Variants in PDE8B observed in about 807,000 individuals in gnomAD.
The protein encoded by PDE8B is phosphodiesterase 8B, also known as high affinity cAMP-specific and IBMX-insensitive 3',5'-cyclic phosphodiesterase 8B.
In PDE8B, 26 loss-of-function variants were observed where a neutral mutation model predicts 101.3. The observed-to-expected ratio is 0.26, with a 90% CI of 0.19 to 0.36. The LOEUF (loss-of-function observed/expected upper bound fraction) is 0.36. Among genes scored for constraint, PDE8B ranks in the 10% least tolerant of loss-of-function variants. The pLI, the probability that PDE8B is intolerant of heterozygous loss-of-function variation, is 1.00. For missense variants in PDE8B, 810 were observed against 1,163.1 expected, an observed-to-expected ratio of 0.70 and a Z score of 4.42; for synonymous variants, 424 against 429.3, an observed-to-expected ratio of 0.99 and a Z score of 0.15.
the PDE8B span, among the ~76,000 whole-genome samples, chr5:77,163,818 G>C: frequency 6.6e-6 from 1 of 152,236 alleles, no homozygotes. Context: ...TTGATGGTAT[G>C]TAGAGTCACA....
intron 1 of PDE8B, chr5:77,290,382 A>T: frequency 7.2e-7 from 1 of 1,391,226 alleles, no homozygotes; most frequent in Non-Finnish European, 1.0e-6. Flanking sequence ...AGAGGTTATT[A>T]TGACCTGTTG....
At chr5:77,253,009 G>T (rs1049685512) in intron 1 of PDE8B, among the ~76,000 whole-genome samples, 1 of 152,074 alleles carries the variant, frequency 6.6e-6, no homozygotes, top group Non-Finnish European at 1.5e-5. Flanking sequence ...TTAAGTGATA[G>T]AACTGATTTT....
At chr5:77,101,922 T>C in the PDE8B span, among the ~76,000 whole-genome samples, 3 of 152,160 alleles carry the variant, frequency 2.0e-5, no homozygotes, top group East Asian at 1.9e-4. Flanking sequence ...TTTGTGAAGA[T>C]GAAAATGTTC....
rs1199134073 is a variant in PDE8B, at chr5:77,325,652, C to G, written c.513C>G (p.Cys171Trp). The G allele has an allele frequency of 6.2e-7, 1 of 1,613,140 alleles. No individual in the cohort carries two copies. Among genetic ancestry groups the G allele is most frequent in the Non-Finnish European group, 8.5e-7 (1 of 1,179,090 alleles). Residue 171 changes from cysteine to tryptophan, a missense_variant, in exon 3 of 22, where the codon TGC becomes TGG. This residue lies in a region of PDE8B where 251 missense variants were observed against 378.8 expected (regional missense o/e 0.66). Coordinates refer to ENST00000264917, the MANE Select transcript of PDE8B (RefSeq NM_003719.5). ...IARTPESALE[C>W]FLDKHHEIIV... ...GGACTCCAGAGTCAGCCCTTGAATG[C>G]TTTCTTGATAAGCATCATGAAATTA...
At chr5:77,288,762 C>T (rs905090003) in intron 1 of PDE8B, among the ~76,000 whole-genome samples, 4 of 151,426 alleles carry the variant, frequency 2.6e-5, no homozygotes, top group African/African-American at 7.3e-5. Context: ...GACCACACAG[C>T]GAGGTAATAT....
chr5:77,278,532 C>G (rs144733118), intron 1 of PDE8B, among the ~76,000 whole-genome samples: 1 of 152,100 alleles, frequency 6.6e-6, no homozygotes, highest in African/African-American at 2.4e-5. Flanking sequence ...TGCAGTGGCG[C>G]GATCTTGTCT....
rs1264283318 is a variant in PDE8B at position 77,418,410 on chromosome 5, A to G, written c.2093A>G (p.Lys698Arg). The change falls in exon 18 of 22, where the codon AAG (lysine) becomes AGG (arginine). Residue 698 changes from lysine to arginine, a missense_variant. Physicochemically the swap from Lys to Arg is conservative, Grantham distance 26. Transcript: ENST00000264917. Reference protein sequence around the residue: ...HTALAFQLTVKDTKCNIFKNI... With the variant: ...HTALAFQLTVRDTKCNIFKNI... The stretch of plus-strand genomic sequence containing the variant: ...GCCCTGGCCTTCCAGCTCACGGTCA[A>G]GGACACCAAATGCAACATTTTCAAG... 7 of 1,613,980 alleles carry G rather than the reference A, an allele frequency of 4.3e-6. No individual in the cohort carries two copies. The Admixed American group carries it at 6.7e-5, about 15-fold the overall frequency.
chr5:77,400,178 G>C, intron 10 of PDE8B, 70 bp from the exon 11 acceptor site: 1 of 1,050,138 alleles, frequency 9.5e-7, no homozygotes, highest in Non-Finnish European at 1.5e-6. Flanking sequence ...TAAATTGTTT[G>C]ATGAGAAATA....
At chr5:77,193,191 A>G in the PDE8B span, among the ~76,000 whole-genome samples, 1 of 152,132 alleles carries the variant, frequency 6.6e-6, no homozygotes, top group South Asian at 2.1e-4. Context: ...GCAATTTATC[A>G]TGTTTTTCTT....
intron 1 of PDE8B, chr5:77,213,825 C>A (rs532379749): frequency 1.2e-4 from 18 of 152,076 alleles, no homozygotes; most frequent in Non-Finnish European, 2.2e-4. Context: ...TCTCTCTTTT[C>A]TAGCAATAAT....
At chr5:77,334,531 G>T (rs902029501) in intron 5 of PDE8B, among the ~76,000 whole-genome samples, 1 of 152,118 alleles carries the variant, frequency 6.6e-6, no homozygotes, top group South Asian at 2.1e-4. Context: ...TAGGCATGCC[G>T]GGGGCACAAC....
At chr5:77,264,809 A>G (rs1160021888) in intron 1 of PDE8B, among the ~76,000 whole-genome samples, 2 of 152,206 alleles carry the variant, frequency 1.3e-5, no homozygotes, top group Non-Finnish European at 2.9e-5. Context: ...GTAAGATGCA[A>G]TAGGAGATCA....
chr5:77,262,352 T>C (rs564609770), intron 1 of PDE8B, among the ~76,000 whole-genome samples: 1 of 152,288 alleles, frequency 6.6e-6, no homozygotes, highest in South Asian at 2.1e-4. Context: ...ATCCACAGTC[T>C]CCCTGTGTGG....
At chr5:77,130,994 C>G in the PDE8B span, 4 of 152,264 alleles carry the variant, frequency 2.6e-5, no homozygotes, top group African/African-American at 9.6e-5. Flanking sequence ...GACTGCCTCT[C>G]CCTGTGCTCT....
chr5:77,093,949 A>G, the PDE8B span, among the ~76,000 whole-genome samples: 7 of 152,158 alleles, frequency 4.6e-5, no homozygotes, highest in Admixed American at 2.6e-4. Context: ...TATCTACTCT[A>G]TCAGTTTCCT....
intron 7 of PDE8B, among the ~76,000 whole-genome samples, chr5:77,345,459 T>C (rs893527804): frequency 1.3e-5 from 2 of 152,218 alleles, no homozygotes; most frequent in African/African-American, 4.8e-5. Context: ...TGCACCCAGC[T>C]AGAACCGGGG....
At chr5:77,340,437 G>A (rs939505704) in intron 6 of PDE8B, among the ~76,000 whole-genome samples, 5 of 152,174 alleles carry the variant, frequency 3.3e-5, no homozygotes, top group Non-Finnish European at 7.3e-5. Context: ...TTATTGCCCA[G>A]TAATGAGTGC....
At chr5:77,375,447 G>A (rs1314457709) in intron 10 of PDE8B, among the ~76,000 whole-genome samples, 1 of 152,134 alleles carries the variant, frequency 6.6e-6, no homozygotes, top group African/African-American at 2.4e-5. Context: ...GCTATGTTTT[G>A]CTGGCACATT....
At position 77,330,557 on chromosome 5, in the gene PDE8B, G is replaced by A. The variant is rs56111230; in HGVS notation, c.651-845G>A. Among the ~76,000 whole-genome samples the A allele has an allele frequency of 7.3e-3, 1,118 of 152,292 alleles. 2 individuals carry two copies. The highest frequency in any genetic ancestry group is 0.011 in the Non-Finnish European group (733 of 68,008). ...TGGAGTTCCAGAAGAAAAAGAAAGT[G>A]GGTAAAATAGCTTTTCCCTTAGGGC... is the stretch of plus-strand genomic sequence containing the variant. On this transcript the variant is annotated intron_variant, in intron 4 of 21. Coordinates refer to ENST00000264917, the MANE Select transcript of PDE8B (RefSeq NM_003719.5).
Sources: gnomAD v4.1 joint callset for allele counts (sites outside exome capture counted in the v4.1 genomes callset) on GRCh38, gnomAD v4.1.1 for gene constraint, gnomAD v4.1.1 regional missense constraint, MANE v1.5 for transcripts, NCBI Gene and HGNC (gene_info 2026-07-23, HGNC 2026-07-21) for gene names.